Variants in CSTPP1 observed in about 807,000 individuals in gnomAD.
The protein encoded by CSTPP1 is UPF0705 protein C11orf49.
At chr11:47,014,153 A>G in the CSTPP1 span, among the ~76,000 whole-genome samples, 3 of 151,954 alleles carry the variant, frequency 2.0e-5, no homozygotes, top group Non-Finnish European at 2.9e-5. Context: ...TGAGTATGCC[A>G]TTGTACTCCA....
the CSTPP1 span, among the ~76,000 whole-genome samples, chr11:47,103,994 C>T: frequency 6.6e-6 from 1 of 151,984 alleles, no homozygotes; most frequent in Non-Finnish European, 1.5e-5. Flanking sequence ...TATATTTTTT[C>T]CTCAGTCTCT....
At chr11:46,994,705 G>A in the CSTPP1 span, among the ~76,000 whole-genome samples, 1 of 152,034 alleles carries the variant, frequency 6.6e-6, no homozygotes, top group East Asian at 1.9e-4. Flanking sequence ...TTTTTGCATC[G>A]ATGTTCATCA....
the CSTPP1 span, among the ~76,000 whole-genome samples, chr11:46,944,779 C>T: frequency 6.6e-6 from 1 of 152,180 alleles, no homozygotes; most frequent in Non-Finnish European, 1.5e-5. Flanking sequence ...GATCTCTTAG[C>T]TCTCCCAGAC....
At chr11:47,015,047 A>G in the CSTPP1 span, among the ~76,000 whole-genome samples, 1 of 152,214 alleles carries the variant, frequency 6.6e-6, no homozygotes, top group East Asian at 1.9e-4. Flanking sequence ...TACAGATTCT[A>G]TAGGTATTAA....
At chr11:47,032,219 G>T in the CSTPP1 span, among the ~76,000 whole-genome samples, 1 of 152,052 alleles carries the variant, frequency 6.6e-6, no homozygotes, top group Non-Finnish European at 1.5e-5. Flanking sequence ...GAAAACTATG[G>T]AATTTATTTT....
the CSTPP1 span, among the ~76,000 whole-genome samples, chr11:47,028,564 G>C: frequency 6.6e-6 from 1 of 152,082 alleles, no homozygotes; most frequent in Non-Finnish European, 1.5e-5. Flanking sequence ...AAACTTTTTT[G>C]TATCACTATA....
At chr11:47,074,916 A>C in the CSTPP1 span, among the ~76,000 whole-genome samples, 17 of 152,336 alleles carry the variant, frequency 1.1e-4, no homozygotes, top group African/African-American at 4.1e-4. Context: ...GCCAGGTATT[A>C]TTCTAGGTGC....
chr11:47,052,648 C>A, the CSTPP1 span: 1 of 1,289,168 alleles, frequency 7.8e-7, no homozygotes, highest in East Asian at 2.6e-5. Flanking sequence ...TCTTTTGTTC[C>A]TATAAATATT....
the CSTPP1 span, among the ~76,000 whole-genome samples, chr11:46,967,137 G>A: frequency 6.6e-6 from 1 of 152,052 alleles, no homozygotes; most frequent in African/African-American, 2.4e-5. Flanking sequence ...CTAACCCAGG[G>A]TCACTAAGAT....
the CSTPP1 span, among the ~76,000 whole-genome samples, chr11:47,017,524 CAA>C: frequency 2.2e-4 from 34 of 151,920 alleles, no homozygotes; most frequent in Non-Finnish European, 3.8e-4. Context: ...TTCATCACCA[CAA>C]AAAACTCCAT....
At chr11:47,001,742 A>G in the CSTPP1 span, among the ~76,000 whole-genome samples, 1 of 152,318 alleles carries the variant, frequency 6.6e-6, no homozygotes, top group South Asian at 2.1e-4. Flanking sequence ...ATCTATAACA[A>G]TCAGGGCATA....
the CSTPP1 span, among the ~76,000 whole-genome samples, chr11:46,937,543 C>G: frequency 5.9e-5 from 9 of 152,324 alleles, no homozygotes; most frequent in East Asian, 1.7e-3. Flanking sequence ...TATGTACACA[C>G]ACACACATAT....
the CSTPP1 span, among the ~76,000 whole-genome samples, chr11:46,952,775 T>C: frequency 2.0e-5 from 3 of 152,232 alleles, no homozygotes; most frequent in African/African-American, 7.2e-5. Context: ...GAATAGTTCC[T>C]CTCTATACTC....
chr11:47,127,056 A>G, the CSTPP1 span, among the ~76,000 whole-genome samples: 1 of 152,196 alleles, frequency 6.6e-6, no homozygotes, highest in Non-Finnish European at 1.5e-5. Flanking sequence ...TAGACGAAGG[A>G]AAAGCAGGTT....
chr11:47,157,095 C>A, the CSTPP1 span: 1 of 1,614,172 alleles, frequency 6.2e-7, no homozygotes, highest in Non-Finnish European at 8.5e-7. Flanking sequence ...GTGATTGTGC[C>A]GACGTCGTCC....
the CSTPP1 span, chr11:46,936,886 C>T: frequency 7.0e-7 from 1 of 1,421,264 alleles, no homozygotes; most frequent in Non-Finnish European, 9.3e-7. Context: ...GAGGGAAAGA[C>T]GTGCAGACGA....
chr11:47,159,607 T>A, the CSTPP1 span: 1 of 456,152 alleles, frequency 2.2e-6, no homozygotes, highest in African/African-American at 2.0e-5. Context: ...CTCCTCGTTA[T>A]GACCACTCTT....
chr11:47,040,369 G>A, the CSTPP1 span, among the ~76,000 whole-genome samples: 1 of 126,980 alleles, frequency 7.9e-6, no homozygotes, highest in African/African-American at 2.5e-5. Context: ...CAAGAGGCAG[G>A]GAGAGATGGC....
the CSTPP1 span, among the ~76,000 whole-genome samples, chr11:47,074,409 A>G: frequency 6.6e-6 from 1 of 151,534 alleles, no homozygotes; most frequent in African/African-American, 2.4e-5. Flanking sequence ...CTGAGGTGGG[A>G]AGATTCCTTG....
Sources: gnomAD v4.1 joint callset for allele counts (sites outside exome capture counted in the v4.1 genomes callset) on GRCh38, gnomAD v4.1.1 for gene constraint, MANE v1.5 for transcripts, NCBI Gene and HGNC (gene_info 2026-07-23, HGNC 2026-07-21) for gene names.